The following BST1 variants were observed in gnomAD, a reference collection of about 807,000 sequenced individuals.
The protein encoded by BST1 is ADP-ribosyl cyclase/cyclic ADP-ribose hydrolase 2.
A neutral mutation model predicts 40.6 loss-of-function variants in BST1; 49 were observed. The observed-to-expected ratio is 1.21, with a 90% CI of 0.96 to 1.53. The LOEUF (loss-of-function observed/expected upper bound fraction) is 1.53, where lower values mean the gene tolerates loss of function less well. BST1 is among the 40% of genes most tolerant of loss of function. BST1 has a pLI of 0.00. For synonymous variants in BST1, 157 were observed against 159.3 expected, an observed-to-expected ratio of 0.99 and a Z score of 0.11; for missense variants, 423 against 395.9, an observed-to-expected ratio of 1.07 and a Z score of -0.58.
At chr4:15,759,846 G>A in the BST1 span, among the ~76,000 whole-genome samples, 2 of 151,844 alleles carry the variant, frequency 1.3e-5, no homozygotes, top group Admixed American at 1.3e-4. Context: ...TCTGGAATGG[G>A]CTATCTTCAT....
At chr4:15,713,799 G>A (rs990267660) in intron 4 of BST1, among the ~76,000 whole-genome samples, 1 of 151,868 alleles carries the variant, frequency 6.6e-6, no homozygotes, top group South Asian at 2.1e-4. Flanking sequence ...CACCTCCTAG[G>A]TTCAAGCGAT....
chr4:15,708,038 G>A (rs2148879181), intron 3 of BST1, among the ~76,000 whole-genome samples: 1 of 152,054 alleles, frequency 6.6e-6, no homozygotes, highest in East Asian at 1.9e-4. Context: ...TCTGCTCAGG[G>A]GGCATAGCTA....
At chr4:15,712,984 C>G (rs1720299656) in intron 4 of BST1, among the ~76,000 whole-genome samples, 1 of 152,198 alleles carries the variant, frequency 6.6e-6, no homozygotes, top group African/African-American at 2.4e-5. Context: ...CCCAGTGGAT[C>G]TGCCAGACTT....
In BST1 at chr4:15,705,523, AC is replaced by A; in HGVS notation, c.198del (p.Cys67AlafsTer63). 1 of 1,583,980 alleles carries A rather than the reference AC, an allele frequency of 6.3e-7. No homozygotes were observed. The highest frequency in any genetic ancestry group is 1.2e-5 in the South Asian group (1 of 85,864). Reference protein sequence around the residue: ...ALLSPEQRNKNCTAIWEAFKV... With the variant: ...ALLSPEQRNKXCTAIWEAFKV... The stretch of plus-strand genomic sequence containing the variant: ...CTTGTACTTTTGCACAGGAACAAGA[AC>A]TGCACAGCCATCTGGGAAGCCTTTA... On this transcript the variant is annotated frameshift_variant, in exon 2 of 9. Coordinates refer to ENST00000265016, the MANE Select transcript of BST1 (RefSeq NM_004334.3). LOFTEE classifies it high-confidence loss of function.
intron 8 of BST1, 101 bp from the exon 9 acceptor site, chr4:15,731,639 C>A: frequency 6.9e-7 from 1 of 1,445,496 alleles, no homozygotes; most frequent in South Asian, 1.2e-5. Flanking sequence ...GCTTCTCGCT[C>A]CGCGCTAACC....
chr4:15,761,346 C>T, the BST1 span, among the ~76,000 whole-genome samples: 4 of 151,708 alleles, frequency 2.6e-5, no homozygotes, highest in Admixed American at 6.6e-5. Context: ...GCTTTTTTTG[C>T]GTTGTCCTGT....
chr4:15,768,923 C>T, the BST1 span, among the ~76,000 whole-genome samples: 1 of 152,200 alleles, frequency 6.6e-6, no homozygotes, highest in Non-Finnish European at 1.5e-5. Context: ...GCATAAATCC[C>T]CTTTGAGAAC....
At chr4:15,766,616 C>T in the BST1 span, among the ~76,000 whole-genome samples, 1 of 151,710 alleles carries the variant, frequency 6.6e-6, no homozygotes, top group Non-Finnish European at 1.5e-5. Flanking sequence ...AATCATGCAG[C>T]TGTCTTACAT....
the BST1 span, among the ~76,000 whole-genome samples, chr4:15,748,995 C>G: frequency 6.6e-6 from 1 of 152,172 alleles, no homozygotes; most frequent in African/African-American, 2.4e-5. Flanking sequence ...ATAAAGGACA[C>G]ATTACCAAGC....
intron 8 of BST1, chr4:15,723,636 C>A: frequency 1.0e-6 from 1 of 979,794 alleles, no homozygotes; most frequent in Non-Finnish European, 1.2e-6. Context: ...ATAAACAATG[C>A]TGAAATATAA....
At chr4:15,713,151 T>C (rs1341063967) in intron 4 of BST1, among the ~76,000 whole-genome samples, 1 of 152,166 alleles carries the variant, frequency 6.6e-6, no homozygotes, top group Non-Finnish European at 1.5e-5. Context: ...AGATTTGAAC[T>C]TTAGCAGACA....
intron 8 of BST1, among the ~76,000 whole-genome samples, chr4:15,727,381 ACT>A (rs1232289194): frequency 1.3e-5 from 2 of 151,712 alleles, no homozygotes; most frequent in Non-Finnish European, 2.9e-5. Flanking sequence ...CAAGGATAAA[ACT>A]CTCTTTCACT....
chr4:15,741,774 A>G (rs1357543195), downstream of BST1, among the ~76,000 whole-genome samples: 1 of 152,240 alleles, frequency 6.6e-6, no homozygotes, highest in Admixed American at 6.5e-5. Flanking sequence ...CTTCTGAGCT[A>G]TTGCAGAGTT....
At chr4:15,759,793 T>C in the BST1 span, among the ~76,000 whole-genome samples, 17 of 152,012 alleles carry the variant, frequency 1.1e-4, no homozygotes, top group African/African-American at 4.1e-4. Context: ...CTTTCTCCTT[T>C]ACTTCCCCCC....
chr4:15,718,175 A>G (rs1268913339), intron 6 of BST1, among the ~76,000 whole-genome samples: 1 of 152,034 alleles, frequency 6.6e-6, no homozygotes, highest in African/African-American at 2.4e-5. Context: ...ACAAGAGAGG[A>G]CGGGTTCCAT....
the BST1 span, among the ~76,000 whole-genome samples, chr4:15,753,464 G>C: frequency 1.3e-5 from 2 of 152,204 alleles, no homozygotes; most frequent in South Asian, 4.1e-4. Flanking sequence ...AATGGCTCAC[G>C]ATCGCGCCAG....
the BST1 span, among the ~76,000 whole-genome samples, chr4:15,761,594 AGTT>A: frequency 1.3e-5 from 2 of 152,036 alleles, no homozygotes; most frequent in African/African-American, 4.8e-5. Flanking sequence ...ATCTGGATGA[AGTT>A]GTAATTTTAG....
the BST1 span, among the ~76,000 whole-genome samples, chr4:15,768,951 T>C: frequency 6.6e-6 from 1 of 152,212 alleles, no homozygotes; most frequent in East Asian, 1.9e-4. Flanking sequence ...GTCTGTCAAC[T>C]GTAAGCCTTT....
At chr4:15,729,916 G>A (rs1028151644) in intron 8 of BST1, among the ~76,000 whole-genome samples, 3 of 152,058 alleles carry the variant, frequency 2.0e-5, no homozygotes, top group Non-Finnish European at 4.4e-5. Flanking sequence ...AATAGAAACT[G>A]GAAAAAGATG....
Sources: allele counts gnomAD v4.1 joint callset (sites outside exome capture counted in the v4.1 genomes callset), GRCh38; gene constraint gnomAD v4.1.1; transcripts MANE v1.5; gene names NCBI Gene and HGNC (gene_info 2026-07-23, HGNC 2026-07-21).